SHOC1: variants seen among roughly 807,000 people sequenced by gnomAD.
The protein encoded by SHOC1 is shortage in chiasmata 1.
In SHOC1, 136 loss-of-function variants were observed where a neutral mutation model predicts 179.2. The observed-to-expected ratio is 0.76, with a 90% CI of 0.66 to 0.87. The LOEUF (loss-of-function observed/expected upper bound fraction) is 0.87, where lower values mean the gene tolerates loss of function less well. SHOC1 is among the 40% of genes least tolerant of loss of function. The pLI is 0.00. For missense variants in SHOC1, 1,538 were observed against 1,700.8 expected, an observed-to-expected ratio of 0.90 and a Z score of 1.68; for synonymous variants, 489 against 586.6, an observed-to-expected ratio of 0.83 and a Z score of 2.41.
At chr9:111,690,309 C>T (rs1831370650) in intron 27 of SHOC1, among the ~76,000 whole-genome samples, 1 of 151,962 alleles carries the variant, frequency 6.6e-6, no homozygotes, top group Admixed American at 6.6e-5. Context: ...GCCTGTAATC[C>T]CAGCTACTTG....
Position 111,727,721 on chromosome 9 carries a change from C to T in SHOC1, c.1746G>A (p.Leu582=). Residue 582 remains leucine, a synonymous_variant, in exon 13 of 28, where the codon TTG becomes TTA. Coordinates refer to ENST00000682961, the MANE Select transcript of SHOC1 (RefSeq NM_001378211.1). ...FEHGKKQEND[L]DLLSDFIMLR... ...GCATAATAAAGTCGCTCAAAAGGTC[C>T]AAATCATTCTCTTGTTTTTTGCCAT... 6.2e-7 allele frequency: 1 copy of T among 1,612,924 alleles called. No individual in the cohort carries two copies. The highest frequency in any genetic ancestry group is 8.5e-7 in the Non-Finnish European group (1 of 1,179,558).
intron 13 of SHOC1, among the ~76,000 whole-genome samples, chr9:111,724,797 G>A (rs192621151): frequency 1.3e-5 from 2 of 152,250 alleles, no homozygotes; most frequent in Admixed American, 1.3e-4. Flanking sequence ...ACTGGTACTT[G>A]CCACATTGAA....
intron 12 of SHOC1, among the ~76,000 whole-genome samples, chr9:111,732,853 T>C (rs1470649590): frequency 6.6e-6 from 1 of 152,170 alleles, no homozygotes; most frequent in Non-Finnish European, 1.5e-5. Context: ...ATCTTAATTG[T>C]AGTGGTAGTT....
chr9:111,742,302 T>C (rs577468858), intron 10 of SHOC1, among the ~76,000 whole-genome samples: 54 of 152,306 alleles, frequency 3.5e-4, no homozygotes, highest in African/African-American at 1.3e-3. Context: ...CAAAAATTTT[T>C]ATAAAATTGC....
At chr9:111,752,364 G>A (rs1161826241) in intron 8 of SHOC1, among the ~76,000 whole-genome samples, 1 of 152,176 alleles carries the variant, frequency 6.6e-6, no homozygotes, top group Admixed American at 6.6e-5. Flanking sequence ...TATCAGCTAA[G>A]GCTATATAAA....
intron 5 of SHOC1, among the ~76,000 whole-genome samples, chr9:111,767,460 T>C (rs1263273181): frequency 3.9e-5 from 6 of 152,210 alleles, no homozygotes; most frequent in African/African-American, 1.4e-4. Context: ...TCTCATTGTA[T>C]GTTCTTGGTG....
intron 23 of SHOC1, among the ~76,000 whole-genome samples, chr9:111,701,330 A>T (rs558011197): frequency 6.6e-6 from 1 of 152,300 alleles, no homozygotes; most frequent in African/African-American, 2.4e-5. Flanking sequence ...AAATCATTAT[A>T]TTTTATAATA....
At position 111,694,698 on chromosome 9, in the gene SHOC1, T is replaced by C. The variant is rs572582901; in HGVS notation, c.3184-336A>G. ...ATTTGAATATCACTAGTAATATTACTATTTTGCTGTTTCCAAAAGTTAAAC... is the reference window on the plus strand; with the variant it reads ...ATTTGAATATCACTAGTAATATTACCATTTTGCTGTTTCCAAAAGTTAAAC... On this transcript the variant is annotated intron_variant, in intron 24 of 27. Transcript: ENST00000682961. Among the ~76,000 whole-genome samples, 5 of 152,250 alleles carry C rather than the reference T, an allele frequency of 3.3e-5. No individual in the cohort carries two copies. The East Asian group carries it at 9.6e-4, about 29-fold the overall frequency.
At chr9:111,750,910 T>A (rs578218740) in intron 8 of SHOC1, among the ~76,000 whole-genome samples, 2 of 152,342 alleles carry the variant, frequency 1.3e-5, no homozygotes, top group Admixed American at 6.5e-5. Flanking sequence ...CGTCATGCAA[T>A]CTTTTCCCAT....
intron 15 of SHOC1, among the ~76,000 whole-genome samples, chr9:111,721,836 C>T (rs1833066600): frequency 6.6e-6 from 1 of 152,204 alleles, no homozygotes; most frequent in Non-Finnish European, 1.5e-5. Flanking sequence ...AGGTAACTCT[C>T]CCTACACCAC....
At chr9:111,765,143 A>T (rs1161741595) in intron 5 of SHOC1, among the ~76,000 whole-genome samples, 3 of 151,200 alleles carry the variant, frequency 2.0e-5, no homozygotes, top group Non-Finnish European at 4.4e-5. Context: ...TCCGTCTCAA[A>T]AAAAAAAAAA....
chr9:111,692,313 C>T lies in SHOC1; in HGVS notation c.3664G>A (p.Asp1222Asn), dbSNP rs1028449576. Reference protein sequence around the residue: ...YLGLGETVQEDKTTILNDNSS... With the variant: ...YLGLGETVQENKTTILNDNSS... The stretch of plus-strand genomic sequence containing the variant: ...TTGTCATTCAAAATGGTGGTTTTGT[C>T]TTCCTGCACTGTCTCTCCTAATCCT... Residue 1222 changes from aspartate (D) to asparagine (N), a missense_variant, in exon 27 of 28, where the codon GAC (aspartate) becomes AAC (asparagine). Physicochemically the swap from Asp to Asn is conservative, Grantham distance 23. Coordinates refer to ENST00000682961, the MANE Select transcript of SHOC1 (RefSeq NM_001378211.1). 29 of 1,612,726 alleles carry T rather than the reference C, an allele frequency of 1.8e-5. No homozygotes were observed. The highest frequency in any genetic ancestry group is 2.2e-5 in the Non-Finnish European group (26 of 1,179,032).
intron 5 of SHOC1, among the ~76,000 whole-genome samples, chr9:111,774,994 TA>T (rs67692637): frequency 2.7e-4 from 39 of 147,054 alleles, no homozygotes; most frequent in Admixed American, 4.1e-4. Flanking sequence ...AAAATATACT[TA>T]AAAAAAAATT....
intron 11 of SHOC1, 81 bp from the exon 12 acceptor site, chr9:111,738,603 G>T: frequency 1.6e-6 from 2 of 1,252,266 alleles, no homozygotes; most frequent in Admixed American, 3.4e-5. Flanking sequence ...GAACCACACT[G>T]GAATTTCTTT....
rs111860627 is a variant in SHOC1, at chr9:111,691,297, T to G, written c.4426+254A>C. ...TCTTTGTTGATTTTAGTCTCCTGCT[T>G]TACTTAGAGTTGCACTGCTTTTATT... is the stretch of plus-strand genomic sequence containing the variant. On this transcript the variant is annotated intron_variant, in intron 27 of 27. Transcript: ENST00000682961. Among the ~76,000 whole-genome samples the G allele has an allele frequency of 2.0e-4, 31 of 152,326 alleles. 1 individual carries two copies. The highest frequency in any genetic ancestry group is 7.5e-4 in the African/African-American group (31 of 41,584).
At chr9:111,779,667 C>T (rs886368479) in intron 4 of SHOC1, among the ~76,000 whole-genome samples, 1 of 152,092 alleles carries the variant, frequency 6.6e-6, no homozygotes, top group East Asian at 1.9e-4. Context: ...TCTTAGAGAT[C>T]GTCTCGCATC....
intron 8 of SHOC1, among the ~76,000 whole-genome samples, chr9:111,749,615 A>G (rs1455246895): frequency 6.6e-6 from 1 of 152,052 alleles, no homozygotes; most frequent in African/African-American, 2.4e-5. Context: ...AGATCATCTC[A>G]TCACCGAGGT....
intron 5 of SHOC1, among the ~76,000 whole-genome samples, chr9:111,762,509 A>G (rs1221510940): frequency 6.6e-6 from 1 of 152,168 alleles, no homozygotes; most frequent in Non-Finnish European, 1.5e-5. Flanking sequence ...GATCATGTTA[A>G]TATTTAAAAA....
At chr9:111,744,390 T>C (rs1012128938) in intron 10 of SHOC1, among the ~76,000 whole-genome samples, 3 of 152,222 alleles carry the variant, frequency 2.0e-5, no homozygotes, top group Admixed American at 2.0e-4. Context: ...GATAGAACTC[T>C]GTATAGCACA....
Sources: gnomAD v4.1 joint callset for allele counts (sites outside exome capture counted in the v4.1 genomes callset) on GRCh38, gnomAD v4.1.1 for gene constraint, MANE v1.5 for transcripts, NCBI Gene and HGNC (gene_info 2026-07-23, HGNC 2026-07-21) for gene names.